Variants in NLGN2 observed in about 807,000 individuals in gnomAD.
NLGN2 encodes the protein neuroligin 2.
A neutral mutation model predicts 48.6 loss-of-function variants in NLGN2; 11 were observed. That is an observed-to-expected ratio of 0.23 (90% CI 0.14 to 0.37). The LOEUF is 0.37. Among genes scored for constraint, NLGN2 ranks in the 10% least tolerant of loss-of-function variants. The probability of loss-of-function intolerance (pLI) is 1.00; values close to 1 mark genes in which losing one functional copy is unlikely to be tolerated. For synonymous variants in NLGN2, 548 were observed against 550.0 expected, an observed-to-expected ratio of 1.00 and a Z score of 0.05; for missense variants, 801 against 1,225.2, an observed-to-expected ratio of 0.65 and a Z score of 5.17.
chr17:7,407,381 A>G (rs1597705915), upstream of NLGN2, among the ~76,000 whole-genome samples: 1 of 152,100 alleles, frequency 6.6e-6, no homozygotes, highest in East Asian at 1.9e-4. Context: ...GAGTCTGGGG[A>G]GAGAGGGGTC....
Position 7,414,330 on chromosome 17 carries a change from C to CG in NLGN2, c.509-14_509-13insG. On this transcript the variant is annotated splice_polypyrimidine_tract_variant and intron_variant, in intron 2 of 6. Coordinates refer to ENST00000302926, the MANE Select transcript of NLGN2 (RefSeq NM_020795.4). ...CTGACCCCCTGGCCCACCTGCCCAC[C>CG]CCTCCCCACACAGATATCCGTGACC... 6.2e-7 allele frequency: 1 copy of CG among 1,609,950 alleles called. No homozygotes were observed. The highest frequency in any genetic ancestry group is 8.5e-7 in the Non-Finnish European group (1 of 1,176,698).
At position 7,412,180 on chromosome 17, in the gene NLGN2, G is replaced by A. The variant is rs751955059; in HGVS notation, c.481G>A (p.Glu161Lys). The change falls in exon 2 of 7, where the codon GAG (glutamate) becomes AAG (lysine). Residue 161 changes from glutamate to lysine, a missense_variant. Transcript: ENST00000302926. ...AGGTCCGCTCACAAAAAAACGTGAC[G>A]AGGCGACGCTCAATCCGCCAGACAC... ...EDGPLTKKRDEATLNPPDTDI... is the reference protein window; with the variant it reads ...EDGPLTKKRDKATLNPPDTDI... The A allele has an allele frequency of 4.3e-6, 7 of 1,610,576 alleles. No homozygotes were observed. In the East Asian group the frequency reaches 6.7e-5, roughly 15 times the overall value.
intron 2 of NLGN2, among the ~76,000 whole-genome samples, chr17:7,412,889 G>GT (rs1285942050): frequency 8.7e-6 from 1 of 114,504 alleles, no homozygotes; most frequent in South Asian, 2.7e-4. Context: ...CTTTTTGGTT[G>GT]TTTTTTTCTT....
chr17:7,415,756 G>A lies in NLGN2; in HGVS notation c.1283G>A (p.Arg428Gln), dbSNP rs1447137844. The change falls in exon 6 of 7, where the codon CGG becomes CAG. Residue 428 changes from arginine to glutamine, a missense_variant. By Grantham distance (43) the Arg-to-Gln change is conservative. Transcript: ENST00000302926. ...TACCCGGAAGGCAAGGATGTGCTTC[G>A]GGAGACCATCAAGTTTATGTACACA... ...YGYPEGKDVL[R>Q]ETIKFMYTDW... 3 of 1,614,192 alleles carry A rather than the reference G, an allele frequency of 1.9e-6. No individual in the cohort carries two copies. The highest frequency in any genetic ancestry group is 1.7e-6 in the Non-Finnish European group (2 of 1,180,028).
chr17:7,417,930 A>G lies in NLGN2; in HGVS notation c.*131A>G, dbSNP rs564477627. 5.2e-6 allele frequency: 4 copies of G among 773,104 alleles called. No homozygotes were observed. The East Asian group carries it at 1.3e-4, about 26-fold the overall frequency. 47.9% of individuals were successfully genotyped at this position (773,104 alleles called of 1,614,324 possible). ...GCCATCCAGCAGCGCTAAGGTGGAC[A>G]TGGGATTCCTCCCTGCGATGCGTGT... On this transcript the variant is annotated 3_prime_UTR_variant, in exon 7 of 7. Coordinates refer to ENST00000302926, the MANE Select transcript of NLGN2 (RefSeq NM_020795.4).
At chr17:7,414,317 C>A (rs1907009572) in intron 2 of NLGN2, 27 bp from the exon 3 acceptor site, 2 of 1,355,352 alleles carry the variant, frequency 1.5e-6, no homozygotes, top group Non-Finnish European at 2.0e-6. Context: ...GACCCCCTGG[C>A]CCACCTGCCC....
Position 7,416,072 on chromosome 17 carries a change from G to A in NLGN2, c.1599G>A (p.Val533=). ...AGAATGACGTCATGCTCAGTGCCGT[G>A]GTCATGACCTACTGGACCAACTTCG... ...FSKNDVMLSA[V]VMTYWTNFAK... Residue 533 remains valine (V), a synonymous_variant, in exon 6 of 7, where the codon GTG becomes GTA. Transcript: ENST00000302926. The A allele has an allele frequency of 1.9e-6, 3 of 1,613,740 alleles. No individual in the cohort carries two copies. The highest frequency in any genetic ancestry group is 2.5e-6 in the Non-Finnish European group (3 of 1,179,888).
chr17:7,411,896 C>A lies in NLGN2; in HGVS notation c.458-261C>A, dbSNP rs1372266037. Among the ~76,000 whole-genome samples, 4 of 151,990 alleles carry A rather than the reference C, an allele frequency of 2.6e-5. No homozygotes were observed. Among genetic ancestry groups the A allele is most frequent in the African/African-American group, 7.2e-5 (3 of 41,390 alleles). On this transcript the variant is annotated intron_variant, in intron 1 of 6. Transcript: ENST00000302926. The surrounding 1 kb of genome is among the most constrained non-coding windows in gnomAD (Gnocchi z 4.5). ...GCCTCAGCCCACTCAGGCACCCCAC[C>A]CCCCCAAAACCAGCCTTTTCTTTGG... is the stretch of plus-strand genomic sequence containing the variant.
intron 2 of NLGN2, among the ~76,000 whole-genome samples, chr17:7,414,070 T>C (rs1301931551): frequency 1.3e-5 from 2 of 152,228 alleles, no homozygotes; most frequent in African/African-American, 4.8e-5. Flanking sequence ...GGAGGGCCAC[T>C]GCCCACCCCC....
chr17:7,408,414 T>C lies in NLGN2; in HGVS notation c.159T>C (p.Gly53=). Residue 53 remains glycine, a synonymous_variant, in exon 1 of 7, where the codon GGT becomes GGC. Coordinates refer to ENST00000302926, the MANE Select transcript of NLGN2 (RefSeq NM_020795.4). The surrounding 1 kb of genome is among the most constrained non-coding windows in gnomAD (Gnocchi z 7.5). ...VVNTAYGRVR[G]VRRELNNEIL... is the part of the protein sequence containing the mutation. Reference sequence around the variant, plus strand: ...ACACGGCCTACGGGCGAGTGCGCGGTGTGCGGCGCGAGCTCAACAACGAGA... The same window carrying C: ...ACACGGCCTACGGGCGAGTGCGCGGCGTGCGGCGCGAGCTCAACAACGAGA... The C allele has an allele frequency of 6.4e-7, 1 of 1,564,050 alleles. No individual in the cohort carries two copies. Among genetic ancestry groups the C allele is most frequent in the Non-Finnish European group, 8.6e-7 (1 of 1,159,606 alleles).
In NLGN2 at chr17:7,411,307, G is replaced by A. The variant is rs184795225; in HGVS notation, c.458-850G>A. Among the ~76,000 whole-genome samples the A allele has an allele frequency of 1.2e-4, 19 of 152,296 alleles. No homozygotes were observed. In the East Asian group the frequency reaches 3.5e-3, roughly 28 times the overall value. On this transcript the variant is annotated intron_variant, in intron 1 of 6. Transcript: ENST00000302926. The surrounding 1 kb of genome is among the most constrained non-coding windows in gnomAD (Gnocchi z 4.5). Reference sequence around the variant, plus strand: ...GCCCTGGTGGGAAATTCACCATTTTGGGGGGAGGAGAGGAAGCCTGGGTAA... The same window carrying A: ...GCCCTGGTGGGAAATTCACCATTTTAGGGGGAGGAGAGGAAGCCTGGGTAA...
At position 7,414,620 on chromosome 17, in the gene NLGN2, C is replaced by T. The variant is rs201358419; in HGVS notation, c.659-43C>T. The T allele has an allele frequency of 1.6e-4, 259 of 1,612,108 alleles. 3 individuals are homozygous for T. The East Asian group carries it at 4.8e-3, about 30-fold the overall frequency. ...GAGCTGCCCAGAAAGGGGGCAGGGGCGCTGTGACACCTCCAGGGAGCCCTC... is the reference window on the plus strand; with the variant it reads ...GAGCTGCCCAGAAAGGGGGCAGGGGTGCTGTGACACCTCCAGGGAGCCCTC... On this transcript the variant is annotated intron_variant, in intron 3 of 6. Coordinates refer to ENST00000302926, the MANE Select transcript of NLGN2 (RefSeq NM_020795.4).
rs988713465 is a variant in NLGN2 at position 7,418,598 on chromosome 17, G to C, written c.*799G>C. ...TGGATGTGTGTTTCCCCAGGCAGAC[G>C]GCCCCTCTCTTCCCAGCACTTCCCT... is the stretch of plus-strand genomic sequence containing the variant. On this transcript the variant is annotated 3_prime_UTR_variant, in exon 7 of 7. Transcript: ENST00000302926. 6.6e-6 allele frequency: 1 copy of C among 152,374 alleles called. No individual in the cohort carries two copies. The highest frequency in any genetic ancestry group is 1.5e-5 in the Non-Finnish European group (1 of 68,192). 9.4% of individuals were successfully genotyped at this position (152,374 alleles called of 1,614,324 possible).
intron 3 of NLGN2, 23 bp downstream of exon 3, chr17:7,414,516 G>A (rs368107081): frequency 6.2e-7 from 1 of 1,611,658 alleles, no homozygotes; most frequent in African/African-American, 1.3e-5. Context: ...AGCCAACTCT[G>A]GGGCTCGGGG....
intron 6 of NLGN2, 33 bp from the exon 7 acceptor site, chr17:7,416,889 CCTCA>C: frequency 1.2e-6 from 2 of 1,610,090 alleles, no homozygotes; most frequent in Non-Finnish European, 8.5e-7. Context: ...AGAGCCTTGC[CCTCA>C]CTCCTCCTTT....
Position 7,411,338 on chromosome 17 carries a change from G to A in NLGN2, c.458-819G>A, listed in dbSNP as rs1024215070. 1.1e-4 allele frequency among the ~76,000 whole-genome samples: 16 copies of A among 152,194 alleles called. No individual in the cohort carries two copies. The highest frequency in any genetic ancestry group is 3.9e-4 in the African/African-American group (16 of 41,444). On this transcript the variant is annotated intron_variant, in intron 1 of 6. Coordinates refer to ENST00000302926, the MANE Select transcript of NLGN2 (RefSeq NM_020795.4). This position sits in a 1 kb window ranked among gnomAD's most constrained non-coding sequence, Gnocchi z 4.5. Reference sequence around the variant, plus strand: ...AGGAGAGGAAGCCTGGGTAAGGGACGAGGTTGGGGGGAGTGCGGAGGGTTG... The same window carrying A: ...AGGAGAGGAAGCCTGGGTAAGGGACAAGGTTGGGGGGAGTGCGGAGGGTTG...
chr17:7,405,816 C>T (rs779649245), upstream of NLGN2, among the ~76,000 whole-genome samples: 2 of 152,146 alleles, frequency 1.3e-5, no homozygotes, highest in Non-Finnish European at 2.9e-5. This position sits in a 1 kb window ranked among gnomAD's most constrained non-coding sequence, Gnocchi z 6.8. Context: ...AATGGGCCCA[C>T]AGACCCCGTG....
Position 7,414,328 on chromosome 17 carries a change from A to ACCC in NLGN2, c.509-14_509-12dup. ...CCCTGACCCCCTGGCCCACCTGCCC[A>ACCC]CCCCTCCCCACACAGATATCCGTGA... is the stretch of plus-strand genomic sequence containing the variant. On this transcript the variant is annotated splice_polypyrimidine_tract_variant and intron_variant, in intron 2 of 6. Coordinates refer to ENST00000302926, the MANE Select transcript of NLGN2 (RefSeq NM_020795.4). The ACCC allele has an allele frequency of 2.5e-6, 4 of 1,595,704 alleles. No homozygotes were observed. In the Admixed American group the frequency reaches 5.0e-5, roughly 20 times the overall value.
At position 7,408,463 on chromosome 17, in the gene NLGN2, T is replaced by C. The variant is rs371291629; in HGVS notation, c.208T>C (p.Leu70=). 1.0e-4 allele frequency: 155 copies of C among 1,556,624 alleles called. No homozygotes were observed. The highest frequency in any genetic ancestry group is 2.5e-4 in the South Asian group (21 of 85,160). ...NEILGPVVQF[L]GVPYATPPLG... is the part of the protein sequence containing the mutation. ...GATCCTGGGCCCCGTCGTGCAGTTCTTGGGCGTGCCCTACGCCACGCCGCC... is the reference window on the plus strand; with the variant it reads ...GATCCTGGGCCCCGTCGTGCAGTTCCTGGGCGTGCCCTACGCCACGCCGCC... The change falls in exon 1 of 7, where the codon TTG becomes CTG. Residue 70 remains leucine (L), a synonymous_variant. Coordinates refer to ENST00000302926, the MANE Select transcript of NLGN2 (RefSeq NM_020795.4). This position sits in a 1 kb window ranked among gnomAD's most constrained non-coding sequence, Gnocchi z 7.5.
Sources: gnomAD v4.1 joint callset for allele counts (sites outside exome capture counted in the v4.1 genomes callset) on GRCh38, gnomAD v4.1.1 for gene constraint, Gnocchi (gnomAD v3.1) non-coding constraint, MANE v1.5 for transcripts, NCBI Gene and HGNC (gene_info 2026-07-23, HGNC 2026-07-21) for gene names.